Variants in PCDHGA8 observed in about 807,000 individuals in gnomAD.
PCDHGA8 encodes protocadherin gamma-A8.
A neutral mutation model predicts 59.2 loss-of-function variants in PCDHGA8; 45 were observed. That is an observed-to-expected ratio of 0.76 (90% CI 0.60 to 0.98). PCDHGA8 has a LOEUF of 0.98. Ranked by LOEUF, PCDHGA8 falls within the 50% of genes least tolerant of loss-of-function variation. PCDHGA8 has a pLI of 0.00. For missense variants in PCDHGA8, 1,257 were observed against 1,196.2 expected (o/e 1.05, Z -0.75); for synonymous variants, 531 against 519.0 (o/e 1.02, Z -0.32).
intron 1 of PCDHGA8, among the ~76,000 whole-genome samples, chr5:141,436,515 G>A (rs1393437693): frequency 6.6e-6 from 1 of 152,160 alleles, no homozygotes; most frequent in Non-Finnish European, 1.5e-5. Context: ...ATTGTTAACT[G>A]TGTCACCTTT....
rs995968509 is a variant in PCDHGA8, at chr5:141,477,065, C to T, written c.2425-17742C>T. ...TCGGCTGGACTTCGAGGACACCAAA[C>T]TCCATGAGATTTACATCCAGGCCAA... On this transcript the variant is annotated intron_variant, in intron 1 of 3. Coordinates refer to ENST00000398604, the MANE Select transcript of PCDHGA8 (RefSeq NM_032088.2). The surrounding 1 kb of genome is among the most constrained non-coding windows in gnomAD (Gnocchi z 4.9). 15 of 1,614,144 alleles carry T rather than the reference C, an allele frequency of 9.3e-6. No homozygotes were observed. The highest frequency in any genetic ancestry group is 3.3e-5 in the Admixed American group (2 of 60,018).
chr5:141,400,299 A>C, intron 1 of PCDHGA8: 1 of 1,613,834 alleles, frequency 6.2e-7, no homozygotes, highest in South Asian at 1.1e-5. Context: ...GCTGCTTCCA[A>C]CCTGGTCTCT....
At chr5:141,400,172 C>G in intron 1 of PCDHGA8, 1 of 1,614,082 alleles carries the variant, frequency 6.2e-7, no homozygotes, top group Non-Finnish European at 8.5e-7. Context: ...GACCCCCAGG[C>G]TGAGCTGCAG....
chr5:141,473,431 G>A (rs541546681), intron 1 of PCDHGA8, among the ~76,000 whole-genome samples: 10 of 152,266 alleles, frequency 6.6e-5, no homozygotes, highest in Non-Finnish European at 1.3e-4. Flanking sequence ...CAGATACTTT[G>A]CTTATGCAAA....
At chr5:141,407,309 A>C (rs1197028846) in intron 1 of PCDHGA8, among the ~76,000 whole-genome samples, 1 of 152,240 alleles carries the variant, frequency 6.6e-6, no homozygotes, top group African/African-American at 2.4e-5. Flanking sequence ...AGTAGCCTTC[A>C]TACTTAGTAT....
chr5:141,414,710 A>C (rs1253697066), intron 1 of PCDHGA8: 4 of 1,613,836 alleles, frequency 2.5e-6, no homozygotes, highest in African/African-American at 1.3e-5. Flanking sequence ...ATATCCATCA[A>C]CTCAGACACT....
chr5:141,399,407 C>T (rs1168752842), intron 1 of PCDHGA8: 5 of 1,613,914 alleles, frequency 3.1e-6, no homozygotes, highest in Non-Finnish European at 4.2e-6. Context: ...GGCAAGCCGC[C>T]CCTCTCCTCC....
In PCDHGA8 at chr5:141,433,363, CTATCT is replaced by C. The variant is rs2097590943; in HGVS notation, c.2424+38127_2424+38131del. On this transcript the variant is annotated intron_variant, in intron 1 of 3. Transcript: ENST00000398604. ...TGCAAGCCACCTACTGTCTGCCTAT[CTATCT>C]ATCTATCTATCTATCTATCTATCTA... 4 of 463,386 alleles carry C rather than the reference CTATCT, an allele frequency of 8.6e-6. No homozygotes were observed. The African/African-American group carries it at 1.1e-4, about 13-fold the overall frequency. 28.7% of individuals were successfully genotyped at this position (463,386 alleles called of 1,614,324 possible). A position where few individuals can be genotyped will look rare whatever the true frequency, so the allele number is the denominator to read the frequency against.
At chr5:141,492,068 G>A in intron 1 of PCDHGA8, 1 of 479,628 alleles carries the variant, frequency 2.1e-6, no homozygotes, top group Non-Finnish European at 3.7e-6. Flanking sequence ...AGCCTCCTAG[G>A]CGCCGGCTCC....
At chr5:141,426,919 C>T (rs1220443930) in intron 1 of PCDHGA8, 1 of 456,620 alleles carries the variant, frequency 2.2e-6, no homozygotes, top group African/African-American at 2.0e-5. Flanking sequence ...GTCCTGGAAG[C>T]AATGGACATG....
Position 141,487,226 on chromosome 5 carries a change from G to A in PCDHGA8, c.2425-7581G>A. ...TCGAGAATCTTCAGCTCCAAGGGAA[G>A]GAGAATCTCGTCTAACCCTCTACTT... is the stretch of plus-strand genomic sequence containing the variant. On this transcript the variant is annotated intron_variant, in intron 1 of 3. Transcript: ENST00000398604. This position sits in a 1 kb window ranked among gnomAD's most constrained non-coding sequence, Gnocchi z 5.0. The A allele has an allele frequency of 6.2e-7, 1 of 1,614,104 alleles. No individual in the cohort carries two copies. Among genetic ancestry groups the A allele is most frequent in the South Asian group, 1.1e-5 (1 of 91,074 alleles).
intron 2 of PCDHGA8, among the ~76,000 whole-genome samples, chr5:141,502,725 G>A (rs1020846462): frequency 2.0e-5 from 3 of 152,150 alleles, no homozygotes; most frequent in Non-Finnish European, 4.4e-5. Context: ...ATTACAAAGC[G>A]GTGATGTTCT....
intron 1 of PCDHGA8, chr5:141,430,554 A>G (rs372392559): frequency 3.2e-5 from 13 of 411,906 alleles, no homozygotes; most frequent in Admixed American, 4.0e-5. Context: ...CTGTTCACCA[A>G]TCGGGGAGAG....
intron 1 of PCDHGA8, among the ~76,000 whole-genome samples, chr5:141,466,358 A>G (rs1210013683): frequency 6.6e-6 from 1 of 152,066 alleles, no homozygotes; most frequent in Admixed American, 6.5e-5. Flanking sequence ...GCTAATCTAG[A>G]TGTAATGGTT....
Position 141,510,957 on chromosome 5 carries a change from T to C in PCDHGA8, c.2583T>C (p.Asp861=), listed in dbSNP as rs372617587. ...MILASASEAA[D]GSSTLGGGAG... ...CCTCTGTCTCTGCAGAAGCTGCTGA[T>C]GGGAGCTCCACCCTGGGAGGGGGTG... Residue 861 remains aspartate, a synonymous_variant, in exon 4 of 4, where the codon GAT becomes GAC. Transcript: ENST00000398604. 2.5e-6 allele frequency: 4 copies of C among 1,614,134 alleles called. No individual in the cohort carries two copies. The highest frequency in any genetic ancestry group is 3.4e-6 in the Non-Finnish European group (4 of 1,180,004).
chr5:141,423,201 C>G, intron 1 of PCDHGA8: 1 of 1,613,628 alleles, frequency 6.2e-7, no homozygotes, highest in Non-Finnish European at 8.5e-7. Context: ...TCTCGGCCAC[C>G]GTCACGCTCA....
Position 141,403,041 on chromosome 5 carries a change from A to G in PCDHGA8, c.2424+7804A>G, listed in dbSNP as rs202099773. Reference sequence around the variant, plus strand: ...ATGCTATGGGAGGCCAGGGCCAGTCAGATTCGCTACTCAGTGCCTGAAGAG... The same window carrying G: ...ATGCTATGGGAGGCCAGGGCCAGTCGGATTCGCTACTCAGTGCCTGAAGAG... On this transcript the variant is annotated intron_variant, in intron 1 of 3. Transcript: ENST00000398604. 7.2e-5 allele frequency: 116 copies of G among 1,613,966 alleles called. No homozygotes were observed. Among genetic ancestry groups the G allele is most frequent in the Non-Finnish European group, 9.6e-5 (113 of 1,179,918 alleles).
intron 1 of PCDHGA8, chr5:141,409,138 A>T: frequency 6.2e-7 from 1 of 1,614,046 alleles, no homozygotes; most frequent in South Asian, 1.1e-5. Context: ...TTGAAGATGT[A>T]GAAAGGTACA....
chr5:141,398,707 C>T, intron 1 of PCDHGA8: 1 of 1,613,860 alleles, frequency 6.2e-7, no homozygotes, highest in Non-Finnish European at 8.5e-7. Flanking sequence ...ATACCCGGAA[C>T]TGGCACTGGA....
Sources: gnomAD v4.1 joint callset for allele counts (sites outside exome capture counted in the v4.1 genomes callset) on GRCh38, gnomAD v4.1.1 for gene constraint, Gnocchi (gnomAD v3.1) non-coding constraint, MANE v1.5 for transcripts, NCBI Gene and HGNC (gene_info 2026-07-23, HGNC 2026-07-21) for gene names.